KIAA1328: variants seen among roughly 807,000 people sequenced by gnomAD.
KIAA1328 encodes protein hinderin.
Under a neutral mutation model 68.1 loss-of-function variants are expected in KIAA1328, and 52 were observed. The observed-to-expected ratio is 0.76, with a 90% CI of 0.61 to 0.96. KIAA1328 has a LOEUF of 0.96. Ranked by LOEUF, KIAA1328 falls within the 40% of genes least tolerant of loss-of-function variation. KIAA1328 has a pLI of 0.00. For synonymous variants in KIAA1328, 232 were observed against 239.4 expected, an observed-to-expected ratio of 0.97 and a Z score of 0.28; for missense variants, 641 against 677.6, an observed-to-expected ratio of 0.95 and a Z score of 0.60.
chr18:36,925,543 T>C (rs1278231842), intron 5 of KIAA1328, among the ~76,000 whole-genome samples: 1 of 144,960 alleles, frequency 6.9e-6, no homozygotes, highest in Non-Finnish European at 1.5e-5. Flanking sequence ...AATTTGGTTC[T>C]TTTTTTTTTT....
intron 5 of KIAA1328, among the ~76,000 whole-genome samples, chr18:36,928,752 A>G (rs2050212186): frequency 6.6e-6 from 1 of 151,894 alleles, no homozygotes; most frequent in African/African-American, 2.4e-5. Flanking sequence ...AAGTTCTTTG[A>G]GCTTCTTTGG....
At chr18:37,177,454 A>G (rs763993503) in intron 9 of KIAA1328, among the ~76,000 whole-genome samples, 17 of 152,172 alleles carry the variant, frequency 1.1e-4, no homozygotes, top group African/African-American at 4.1e-4. Flanking sequence ...TATGACTTCT[A>G]CAAACAGTTA....
intron 5 of KIAA1328, among the ~76,000 whole-genome samples, chr18:36,931,782 A>T (rs1289935296): frequency 6.6e-6 from 1 of 152,030 alleles, no homozygotes; most frequent in Non-Finnish European, 1.5e-5. Flanking sequence ...TGCTTTAGGG[A>T]ATATATACTG....
Position 36,833,658 on chromosome 18 carries a change from G to C in KIAA1328, c.59-662G>C, listed in dbSNP as rs2046574775. 2.0e-5 allele frequency among the ~76,000 whole-genome samples: 3 copies of C among 152,220 alleles called. No individual in the cohort carries two copies. In the South Asian group the frequency reaches 6.2e-4, roughly 31 times the overall value. ...TAGGAGCTTATTGCAATAATCCTGG[G>C]AGAGGAAAAGTTGAGTTGGATCAAG... is the stretch of plus-strand genomic sequence containing the variant. On this transcript the variant is annotated intron_variant, in intron 1 of 9. Transcript: ENST00000280020.
intron 9 of KIAA1328, among the ~76,000 whole-genome samples, chr18:37,203,268 C>T (rs1246887416): frequency 1.3e-5 from 2 of 151,930 alleles, no homozygotes; most frequent in African/African-American, 2.4e-5. Context: ...TTTTCATAAA[C>T]CTTTTATAGT....
At chr18:37,211,237 C>G (rs997386044) in intron 9 of KIAA1328, among the ~76,000 whole-genome samples, 1 of 152,146 alleles carries the variant, frequency 6.6e-6, no homozygotes, top group Non-Finnish European at 1.5e-5. Context: ...AGTCAAGGGG[C>G]CTGGGTTAAA....
intron 5 of KIAA1328, among the ~76,000 whole-genome samples, chr18:36,899,309 C>T (rs924767605): frequency 4.6e-5 from 7 of 151,880 alleles, no homozygotes; most frequent in African/African-American, 1.7e-4. Context: ...GTCTTGTACA[C>T]TATTGTATAC....
intron 6 of KIAA1328, among the ~76,000 whole-genome samples, chr18:36,990,439 C>G (rs2053127873): frequency 6.6e-6 from 1 of 151,994 alleles, no homozygotes; most frequent in South Asian, 2.1e-4. Context: ...CTTTGGGAGG[C>G]TGAGGCAGGC....
intron 6 of KIAA1328, among the ~76,000 whole-genome samples, chr18:37,050,741 A>T (rs566860692): frequency 6.6e-4 from 101 of 152,342 alleles, no homozygotes; most frequent in African/African-American, 2.4e-3. Flanking sequence ...GATTTAAGTT[A>T]TTCAGCATGT....
intron 7 of KIAA1328, among the ~76,000 whole-genome samples, chr18:37,070,400 G>A (rs2056483066): frequency 6.6e-6 from 1 of 152,016 alleles, no homozygotes. Flanking sequence ...ATTGACAGAG[G>A]CGTTTTGAAA....
chr18:36,856,164 C>CT (rs1357968526), intron 4 of KIAA1328, among the ~76,000 whole-genome samples: 1 of 151,814 alleles, frequency 6.6e-6, no homozygotes, highest in African/African-American at 2.4e-5. Flanking sequence ...GTGTGGATTT[C>CT]TTTTTTTATC....
At chr18:37,008,675 G>T (rs1218306029) in intron 6 of KIAA1328, among the ~76,000 whole-genome samples, 1 of 152,172 alleles carries the variant, frequency 6.6e-6, no homozygotes, top group Non-Finnish European at 1.5e-5. Context: ...GAAATTAATG[G>T]ATAGAAGTTC....
intron 6 of KIAA1328, among the ~76,000 whole-genome samples, chr18:37,011,700 G>C (rs988172381): frequency 1.3e-5 from 2 of 152,152 alleles, no homozygotes; most frequent in Non-Finnish European, 2.9e-5. Flanking sequence ...AATGCTAAGT[G>C]AAAGAAGCCA....
rs559562906 is a variant in KIAA1328, at chr18:36,992,523, G to A, written c.576+33088G>A. 4.9e-5 allele frequency among the ~76,000 whole-genome samples: 7 copies of A among 143,360 alleles called. No individual in the cohort carries two copies. In the South Asian group the frequency reaches 1.5e-3, roughly 30 times the overall value. The allele number at this position is 143,360 out of a possible 152,430, so 94.0% of individuals were successfully genotyped here. A position where few individuals can be genotyped will look rare whatever the true frequency, so the allele number is the denominator to read the frequency against. On this transcript the variant is annotated intron_variant, in intron 6 of 9. Coordinates refer to ENST00000280020, the MANE Select transcript of KIAA1328 (RefSeq NM_020776.3). ...TACGATACTTTTGGTTTAGTTTTGCGTATCTTAAATGTTGCATGTTCCTCT... is the reference window on the plus strand; with the variant it reads ...TACGATACTTTTGGTTTAGTTTTGCATATCTTAAATGTTGCATGTTCCTCT...
chr18:37,047,991 G>A (rs1039823987), intron 6 of KIAA1328, among the ~76,000 whole-genome samples: 1 of 152,012 alleles, frequency 6.6e-6, no homozygotes, highest in African/African-American at 2.4e-5. Context: ...CCCTTATAAT[G>A]CTGGCCAAAT....
At chr18:36,863,006 AT>A (rs1261990903) in intron 4 of KIAA1328, among the ~76,000 whole-genome samples, 1 of 151,832 alleles carries the variant, frequency 6.6e-6, no homozygotes, top group Non-Finnish European at 1.5e-5. Context: ...TCTTATTGCA[AT>A]TTTTTTGTTG....
At chr18:37,115,508 C>T (rs1161133233) in intron 7 of KIAA1328, among the ~76,000 whole-genome samples, 3 of 152,082 alleles carry the variant, frequency 2.0e-5, no homozygotes, top group South Asian at 2.1e-4. Context: ...ATTGATGGGA[C>T]GTATCTTGAA....
chr18:37,023,710 C>T (rs2054439171), intron 6 of KIAA1328, among the ~76,000 whole-genome samples: 1 of 152,202 alleles, frequency 6.6e-6, no homozygotes, highest in Non-Finnish European at 1.5e-5. Context: ...ACTTTGGCAG[C>T]AGAGTGGCAA....
intron 6 of KIAA1328, among the ~76,000 whole-genome samples, chr18:36,989,362 T>C (rs995494817): frequency 6.6e-6 from 1 of 152,224 alleles, no homozygotes; most frequent in African/African-American, 2.4e-5. Flanking sequence ...AATGTTATAC[T>C]CTTATTTGGA....
Sources: gnomAD v4.1 joint callset for allele counts (sites outside exome capture counted in the v4.1 genomes callset) on GRCh38, gnomAD v4.1.1 for gene constraint, MANE v1.5 for transcripts, NCBI Gene and HGNC (gene_info 2026-07-23, HGNC 2026-07-21) for gene names.